MACROD2: variants seen among roughly 807,000 people sequenced by gnomAD.
MACROD2 encodes the protein ADP-ribose glycohydrolase MACROD2.
MACROD2 carries 36 observed loss-of-function variants against 70.4 expected under a neutral mutation model. The ratio of observed to expected loss-of-function variants is 0.51; its 90% CI spans 0.39 to 0.68. The LOEUF (loss-of-function observed/expected upper bound fraction) is 0.68, where lower values mean the gene tolerates loss of function less well. Ranked by LOEUF, MACROD2 falls within the 30% of genes least tolerant of loss-of-function variation. The probability of loss-of-function intolerance (pLI) is 0.00; values close to 1 mark genes in which losing one functional copy is unlikely to be tolerated. For missense variants in MACROD2, 496 were observed against 538.4 expected, an observed-to-expected ratio of 0.92 and a Z score of 0.78; for synonymous variants, 172 against 178.8, an observed-to-expected ratio of 0.96 and a Z score of 0.30.
intron 7 of MACROD2, among the ~76,000 whole-genome samples, chr20:15,468,073 A>G (rs1568829799): frequency 6.6e-6 from 1 of 152,104 alleles, no homozygotes; most frequent in East Asian, 1.9e-4. Flanking sequence ...GGCAAATTTT[A>G]TGTTTTCCTC....
At chr20:15,138,513 T>C (rs956309764) in intron 5 of MACROD2, among the ~76,000 whole-genome samples, 11 of 152,194 alleles carry the variant, frequency 7.2e-5, no homozygotes, top group African/African-American at 2.7e-4. Context: ...TGCTATAGGC[T>C]CCTTAATCTT....
At chr20:15,939,111 A>G (rs1243387498) in intron 12 of MACROD2, among the ~76,000 whole-genome samples, 4 of 152,256 alleles carry the variant, frequency 2.6e-5, no homozygotes, top group Non-Finnish European at 4.4e-5. Context: ...ATTAATGTGC[A>G]AGGTGAAGCA....
intron 7 of MACROD2, among the ~76,000 whole-genome samples, chr20:15,433,044 G>A (rs2046382928): frequency 6.6e-6 from 1 of 151,730 alleles, no homozygotes; most frequent in Non-Finnish European, 1.5e-5. Flanking sequence ...GGCATAGAAG[G>A]GACTTACATT....
intron 8 of MACROD2, among the ~76,000 whole-genome samples, chr20:15,832,985 A>G (rs1351248868): frequency 6.6e-6 from 1 of 152,204 alleles, no homozygotes; most frequent in Non-Finnish European, 1.5e-5. Flanking sequence ...ATGATAAATA[A>G]CCTGTGGAAT....
chr20:13,997,345 G>A (rs6110117), intron 1 of MACROD2, among the ~76,000 whole-genome samples: 94,491 of 151,928 alleles, frequency 0.62, 30,051 homozygotes, highest in South Asian at 0.75. Flanking sequence ...ACAAGGATTT[G>A]CCTTGTGAGC....
At chr20:15,625,763 C>T (rs569670100) in intron 8 of MACROD2, among the ~76,000 whole-genome samples, 9 of 152,160 alleles carry the variant, frequency 5.9e-5, no homozygotes, top group African/African-American at 1.7e-4. Flanking sequence ...ATTGGAACAA[C>T]GTTCCTAGAT....
chr20:14,538,303 A>G (rs1471017806), intron 4 of MACROD2, among the ~76,000 whole-genome samples: 1 of 152,140 alleles, frequency 6.6e-6, no homozygotes, highest in Non-Finnish European at 1.5e-5. Flanking sequence ...CAGGACTAGA[A>G]TATCCCTGGT....
chr20:15,844,522 G>C (rs1052939550), intron 8 of MACROD2, among the ~76,000 whole-genome samples: 1 of 152,126 alleles, frequency 6.6e-6, no homozygotes, highest in African/African-American at 2.4e-5. Context: ...CTTTAGTGAG[G>C]TTAAGCAACT....
At chr20:14,626,613 A>G (rs555946073) in intron 4 of MACROD2, among the ~76,000 whole-genome samples, 1 of 152,232 alleles carries the variant, frequency 6.6e-6, no homozygotes, top group African/African-American at 2.4e-5. Flanking sequence ...TTTCCATCAA[A>G]CTTGAAGTTG....
intron 5 of MACROD2, among the ~76,000 whole-genome samples, chr20:14,962,869 G>A (rs1416933837): frequency 6.6e-6 from 1 of 151,324 alleles, no homozygotes; most frequent in South Asian, 2.1e-4. Flanking sequence ...AATTGCTGTT[G>A]TTTGGGGAAA....
rs149676445 is a variant in MACROD2 at position 15,084,776 on chromosome 20, A to G, written c.419-145164A>G. 8.1e-4 allele frequency among the ~76,000 whole-genome samples: 124 copies of G among 152,306 alleles called. 1 individual carries two copies. Among genetic ancestry groups the G allele is most frequent in the Middle Eastern group, 3.4e-3 (1 of 294 alleles). On this transcript the variant is annotated intron_variant, in intron 5 of 17. Coordinates refer to ENST00000684519, the MANE Select transcript of MACROD2 (RefSeq NM_001351661.2). ...TTTGAAATGTAATTAAATTTGGACTATTCTTGAACAAAGGTGTTTGCCATA... is the reference window on the plus strand; with the variant it reads ...TTTGAAATGTAATTAAATTTGGACTGTTCTTGAACAAAGGTGTTTGCCATA...
chr20:14,137,397 T>A (rs2054813139), intron 3 of MACROD2, among the ~76,000 whole-genome samples: 1 of 152,190 alleles, frequency 6.6e-6, no homozygotes, highest in South Asian at 2.1e-4. Flanking sequence ...GTTTTATACT[T>A]TCATATGTTT....
chr20:14,811,769 A>G lies in MACROD2; in HGVS notation c.418+126810A>G, dbSNP rs60945369. Among the ~76,000 whole-genome samples the G allele has an allele frequency of 2.2e-3, 334 of 152,282 alleles. 1 individual carries two copies. The highest frequency in any genetic ancestry group is 7.7e-3 in the African/African-American group (321 of 41,558). On this transcript the variant is annotated intron_variant, in intron 5 of 17. Coordinates refer to ENST00000684519, the MANE Select transcript of MACROD2 (RefSeq NM_001351661.2). ...AACCCCATCAAAAAGTGGGCAAAGG[A>G]TATGAATGGACACTTCTCAAAAGAA...
chr20:14,219,280 T>G (rs1034733653), intron 3 of MACROD2, among the ~76,000 whole-genome samples: 2 of 152,182 alleles, frequency 1.3e-5, no homozygotes, highest in Non-Finnish European at 2.9e-5. Context: ...TTTGAAGACC[T>G]AGTCTTCGAG....
chr20:15,874,825 G>A (rs1017841975), intron 9 of MACROD2, among the ~76,000 whole-genome samples: 24 of 152,194 alleles, frequency 1.6e-4, no homozygotes, highest in African/African-American at 5.8e-4. Context: ...TGCAAAGGGG[G>A]AAATAAGATT....
chr20:15,796,386 A>T (rs536764827), intron 8 of MACROD2, among the ~76,000 whole-genome samples: 15 of 152,222 alleles, frequency 9.9e-5, no homozygotes, highest in Non-Finnish European at 2.1e-4. Context: ...ACACACACAC[A>T]AATTTTAGAA....
intron 7 of MACROD2, among the ~76,000 whole-genome samples, chr20:15,455,472 A>G (rs2046712558): frequency 6.6e-6 from 1 of 152,172 alleles, no homozygotes; most frequent in Admixed American, 6.5e-5. Flanking sequence ...AACAAGTAAT[A>G]AATGAAAACG....
intron 5 of MACROD2, among the ~76,000 whole-genome samples, chr20:15,218,430 C>A (rs1381378446): frequency 6.6e-6 from 1 of 152,152 alleles, no homozygotes; most frequent in African/African-American, 2.4e-5. Flanking sequence ...CCTTTTGTAG[C>A]CTCCAATTCA....
At chr20:14,282,428 T>C (rs1366410662) in intron 3 of MACROD2, among the ~76,000 whole-genome samples, 3 of 152,114 alleles carry the variant, frequency 2.0e-5, no homozygotes, top group African/African-American at 4.8e-5. Flanking sequence ...TGCTGGATGG[T>C]CAGTGTTTTC....
Sources: gnomAD v4.1 joint callset for allele counts (sites outside exome capture counted in the v4.1 genomes callset) on GRCh38, gnomAD v4.1.1 for gene constraint, MANE v1.5 for transcripts, NCBI Gene and HGNC (gene_info 2026-07-23, HGNC 2026-07-21) for gene names.